The following CRISP1 variants were observed in gnomAD, a reference collection of about 807,000 sequenced individuals.
CRISP1 encodes cysteine rich secretory protein 1, also known as cysteine-rich secretory protein 1.
In CRISP1, 44 loss-of-function variants were observed where a neutral mutation model predicts 33.1. That is an observed-to-expected ratio of 1.33 (90% CI 1.05 to 1.71). CRISP1 has a LOEUF of 1.71. Ranked by LOEUF, CRISP1 falls within the 40% of genes most tolerant of loss-of-function variation. CRISP1 has a pLI of 0.00. For missense variants in CRISP1, 390 were observed against 301.2 expected (o/e 1.29, Z -2.18); for synonymous variants, 103 against 98.7 (o/e 1.04, Z -0.26).
chr6:49,836,620 T>C (rs1046240306), intron 7 of CRISP1, among the ~76,000 whole-genome samples: 21 of 152,112 alleles, frequency 1.4e-4, no homozygotes, highest in Admixed American at 5.2e-4. Flanking sequence ...ATTACAAGCG[T>C]GAGCCACCGC....
intron 1 of CRISP1, among the ~76,000 whole-genome samples, chr6:49,864,993 A>C (rs1415021348): frequency 2.0e-5 from 3 of 152,166 alleles, no homozygotes; most frequent in Non-Finnish European, 4.4e-5. Flanking sequence ...TGGTTATCCA[A>C]AAGTAATGAG....
At chr6:49,853,924 C>T (rs551428940) in intron 2 of CRISP1, among the ~76,000 whole-genome samples, 25 of 152,208 alleles carry the variant, frequency 1.6e-4, no homozygotes, top group Non-Finnish European at 2.9e-4. Context: ...TCTGCATGAC[C>T]CCAAATCAGT....
intron 1 of CRISP1, among the ~76,000 whole-genome samples, chr6:49,862,917 A>G (rs1771693400): frequency 6.6e-6 from 1 of 152,124 alleles, no homozygotes; most frequent in African/African-American, 2.4e-5. Context: ...GTAAAAGTTA[A>G]TAATTCAACA....
intron 1 of CRISP1, among the ~76,000 whole-genome samples, chr6:49,860,203 G>A (rs1312989154): frequency 1.3e-5 from 2 of 152,110 alleles, no homozygotes; most frequent in African/African-American, 4.8e-5. Flanking sequence ...CTCAGCATTA[G>A]ACAGATCATC....
chr6:49,835,843 T>G (rs1293928360), intron 7 of CRISP1, among the ~76,000 whole-genome samples: 1 of 152,214 alleles, frequency 6.6e-6, no homozygotes, highest in Non-Finnish European at 1.5e-5. Context: ...TTAAAAGTAA[T>G]GTATAGCCAA....
intron 3 of CRISP1, among the ~76,000 whole-genome samples, chr6:49,849,327 G>C (rs1473218428): frequency 6.6e-6 from 1 of 152,146 alleles, no homozygotes; most frequent in African/African-American, 2.4e-5. Flanking sequence ...AGGCTTTCCT[G>C]ATCACCACAC....
intron 4 of CRISP1, 102 bp downstream of exon 4, chr6:49,848,107 T>A (rs187664665): frequency 1.6e-6 from 1 of 629,976 alleles, no homozygotes; most frequent in East Asian, 2.7e-5. Context: ...AATGAGGAAA[T>A]CTAGATGACT....
intron 1 of CRISP1, among the ~76,000 whole-genome samples, chr6:49,866,051 C>A (rs961080365): frequency 3.9e-5 from 6 of 152,050 alleles, no homozygotes; most frequent in African/African-American, 1.4e-4. Flanking sequence ...TTGACTATGG[C>A]CCCTTATTAC....
At chr6:49,839,040 T>C (rs1459428254) in intron 6 of CRISP1, among the ~76,000 whole-genome samples, 1 of 152,010 alleles carries the variant, frequency 6.6e-6, no homozygotes, top group Non-Finnish European at 1.5e-5. Flanking sequence ...AGAGATGGTG[T>C]ATATAAAAGA....
intron 2 of CRISP1, among the ~76,000 whole-genome samples, chr6:49,853,085 AAACTT>A (rs1771399466): frequency 6.6e-6 from 1 of 152,072 alleles, no homozygotes; most frequent in East Asian, 1.9e-4. Context: ...TAAGGGGAGA[AAACTT>A]AAATATGGAA....
intron 2 of CRISP1, among the ~76,000 whole-genome samples, chr6:49,854,031 T>C (rs1329924039): frequency 6.6e-6 from 1 of 152,190 alleles, no homozygotes; most frequent in Non-Finnish European, 1.5e-5. Flanking sequence ...TGTAGAACTT[T>C]TGCAATCTCC....
At chr6:49,839,162 C>T (rs975554186) in intron 6 of CRISP1, among the ~76,000 whole-genome samples, 28 of 145,160 alleles carry the variant, frequency 1.9e-4, no homozygotes, top group African/African-American at 6.6e-4. Context: ...GGGCAGGGCT[C>T]AATGACTTAT....
intron 5 of CRISP1, among the ~76,000 whole-genome samples, chr6:49,844,594 G>A (rs142075178): frequency 6.6e-6 from 1 of 152,128 alleles, no homozygotes; most frequent in Non-Finnish European, 1.5e-5. Flanking sequence ...AAGGGAAGAG[G>A]CTGCCTCACT....
At chr6:49,839,339 T>A (rs1260772690) in intron 6 of CRISP1, among the ~76,000 whole-genome samples, 2 of 141,638 alleles carry the variant, frequency 1.4e-5, no homozygotes, top group Admixed American at 7.1e-5. Flanking sequence ...TAGTTCCAGA[T>A]ACTTGGAAGG....
intron 3 of CRISP1, among the ~76,000 whole-genome samples, chr6:49,851,334 A>C (rs1024928300): frequency 1.3e-5 from 2 of 152,170 alleles, no homozygotes; most frequent in African/African-American, 2.4e-5. Flanking sequence ...ACTGAGTGAT[A>C]CTGCTGGATA....
At chr6:49,846,446 T>C (rs961980583) in intron 5 of CRISP1, 74 bp downstream of exon 5, 3 of 1,439,102 alleles carry the variant, frequency 2.1e-6, no homozygotes, top group South Asian at 1.3e-5. Flanking sequence ...TGATTTTCAG[T>C]TGTTTCTTAG....
At chr6:49,843,808 A>C (rs1771070812) in intron 5 of CRISP1, among the ~76,000 whole-genome samples, 1 of 152,230 alleles carries the variant, frequency 6.6e-6, no homozygotes, top group Non-Finnish European at 1.5e-5. Context: ...AAATAAGGGC[A>C]TTAAAGTCTA....
intron 7 of CRISP1, among the ~76,000 whole-genome samples, chr6:49,836,555 G>T (rs1042547426): frequency 5.3e-5 from 8 of 151,868 alleles, no homozygotes; most frequent in African/African-American, 1.9e-4. Flanking sequence ...AGCCAGGGTG[G>T]TCTACGATCT....
chr6:49,848,400 G>T, intron 3 of CRISP1, 101 bp from the exon 4 acceptor site: 1 of 584,078 alleles, frequency 1.7e-6, no homozygotes, highest in Admixed American at 3.3e-5. Flanking sequence ...ATCTTCAATT[G>T]TATCAACTAG....
Sources: gnomAD v4.1 joint callset for allele counts (sites outside exome capture counted in the v4.1 genomes callset) on GRCh38, gnomAD v4.1.1 for gene constraint, MANE v1.5 for transcripts, NCBI Gene and HGNC (gene_info 2026-07-23, HGNC 2026-07-21) for gene names.